The following GPD1L variants were observed in gnomAD, a reference collection of about 807,000 sequenced individuals.
GPD1L encodes glycerol-3-phosphate dehydrogenase 1 like.
GPD1L carries 17 observed loss-of-function variants against 32.9 expected under a neutral mutation model. The ratio of observed to expected loss-of-function variants is 0.52; its 90% CI spans 0.35 to 0.78. GPD1L has a LOEUF of 0.78. Ranked by LOEUF, GPD1L falls within the 30% of genes least tolerant of loss-of-function variation. The pLI, the probability that GPD1L is intolerant of heterozygous loss-of-function variation, is 0.01. For synonymous variants in GPD1L, 187 were observed against 165.9 expected (o/e 1.13, Z -0.98); for missense variants, 361 against 447.8 (o/e 0.81, Z 1.75).
At chr3:32,111,700 C>G (rs1279169255) in intron 1 of GPD1L, among the ~76,000 whole-genome samples, 4 of 152,108 alleles carry the variant, frequency 2.6e-5, no homozygotes, top group Non-Finnish European at 5.9e-5. Flanking sequence ...AGTTGCCTAT[C>G]TCTTGCCCTT....
At chr3:32,126,297 C>T (rs1055859598) in intron 1 of GPD1L, among the ~76,000 whole-genome samples, 1 of 152,154 alleles carries the variant, frequency 6.6e-6, no homozygotes, top group African/African-American at 2.4e-5. Context: ...TTGGCTTCCC[C>T]AAGAGGCAGC....
chr3:32,108,204 G>A (rs1271618187), intron 1 of GPD1L, among the ~76,000 whole-genome samples: 1 of 152,122 alleles, frequency 6.6e-6, no homozygotes, highest in Non-Finnish European at 1.5e-5. Flanking sequence ...TGGGCAACAC[G>A]GCAAAACCCC....
intron 2 of GPD1L, among the ~76,000 whole-genome samples, chr3:32,135,022 A>T (rs1700644374): frequency 6.6e-6 from 1 of 152,258 alleles, no homozygotes; most frequent in South Asian, 2.1e-4. Context: ...GATGAAGCTG[A>T]GTAGCTTGCC....
intron 1 of GPD1L, among the ~76,000 whole-genome samples, chr3:32,114,283 T>C (rs942573687): frequency 2.6e-5 from 4 of 152,208 alleles, no homozygotes; most frequent in Non-Finnish European, 5.9e-5. Flanking sequence ...CTTCTCCATA[T>C]GGTGGTTGGG....
At chr3:32,150,331 T>C (rs1385080730) in intron 5 of GPD1L, among the ~76,000 whole-genome samples, 1 of 152,192 alleles carries the variant, frequency 6.6e-6, no homozygotes, top group Non-Finnish European at 1.5e-5. Context: ...TAATCTATGT[T>C]ATCTTTTTTT....
intron 2 of GPD1L, among the ~76,000 whole-genome samples, chr3:32,132,521 T>G (rs190908570): frequency 1.3e-5 from 2 of 152,350 alleles, no homozygotes; most frequent in Admixed American, 6.5e-5. Flanking sequence ...AATTAAAATA[T>G]CAGTTCAGTG....
At chr3:32,135,668 GT>G (rs1300007941) in intron 2 of GPD1L, among the ~76,000 whole-genome samples, 12 of 152,116 alleles carry the variant, frequency 7.9e-5, no homozygotes, top group Admixed American at 7.9e-4. Flanking sequence ...GGCCAGGCTG[GT>G]TTCAAACTCT....
At position 32,166,018 on chromosome 3, in the gene GPD1L, C is replaced by T. The variant is rs1575125098; in HGVS notation, c.*108C>T. 1.2e-5 allele frequency: 9 copies of T among 738,698 alleles called. No homozygotes were observed. The highest frequency in any genetic ancestry group is 1.7e-5 in the African/African-American group (1 of 57,634). The allele number at this position is 738,698 out of a possible 1,614,324, so 45.8% of individuals were successfully genotyped here. ...ATGATGTTTGACTGTAATCTCATCA[C>T]GGATATGTATGAATTTTTACAGGTT... On this transcript the variant is annotated 3_prime_UTR_variant, in exon 8 of 8. Transcript: ENST00000282541.
At chr3:32,141,554 CT>C (rs34362553) in intron 4 of GPD1L, among the ~76,000 whole-genome samples, 4 of 151,982 alleles carry the variant, frequency 2.6e-5, no homozygotes, top group South Asian at 2.1e-4. Flanking sequence ...GGATACAAAA[CT>C]TTTTTTTGAA....
At chr3:32,153,554 C>A (rs775213461) in intron 5 of GPD1L, among the ~76,000 whole-genome samples, 45 of 152,338 alleles carry the variant, frequency 3.0e-4, no homozygotes, top group Non-Finnish European at 5.4e-4. Flanking sequence ...TCCTTGACAT[C>A]TCAGCCAGGC....
chr3:32,109,200 T>A (rs533922636), intron 1 of GPD1L, among the ~76,000 whole-genome samples: 1 of 152,352 alleles, frequency 6.6e-6, no homozygotes, highest in African/African-American at 2.4e-5. Context: ...TCAGCTCCCC[T>A]GTTGGCCATG....
chr3:32,165,280 A>G (rs1214344363), intron 7 of GPD1L, among the ~76,000 whole-genome samples: 108 of 151,894 alleles, frequency 7.1e-4, no homozygotes, highest in Admixed American at 6.9e-3. Context: ...CTGTATTCAC[A>G]TCTTGGAAGA....
intron 4 of GPD1L, among the ~76,000 whole-genome samples, chr3:32,143,702 G>A (rs1449215781): frequency 6.6e-6 from 1 of 152,142 alleles, no homozygotes; most frequent in Non-Finnish European, 1.5e-5. Context: ...AATTAGCCAG[G>A]TGTGGTGGCG....
intron 1 of GPD1L, among the ~76,000 whole-genome samples, chr3:32,108,364 A>G (rs1279953306): frequency 6.6e-6 from 1 of 152,092 alleles, no homozygotes; most frequent in African/African-American, 2.4e-5. Flanking sequence ...AAAATTAGCC[A>G]GGTGTGGTGG....
intron 1 of GPD1L, among the ~76,000 whole-genome samples, chr3:32,118,070 G>A (rs1700356823): frequency 6.6e-6 from 1 of 152,144 alleles, no homozygotes; most frequent in Admixed American, 6.5e-5. Flanking sequence ...ATGAGACTTA[G>A]GGGGCATCTG....
At chr3:32,156,102 A>G (rs1474184094) in intron 5 of GPD1L, among the ~76,000 whole-genome samples, 3 of 152,046 alleles carry the variant, frequency 2.0e-5, no homozygotes, top group South Asian at 2.1e-4. Context: ...CTGCAGAACT[A>G]GATCGCACCC....
chr3:32,119,498 C>G (rs1467253183), intron 1 of GPD1L, among the ~76,000 whole-genome samples: 2 of 152,040 alleles, frequency 1.3e-5, no homozygotes, highest in African/African-American at 4.8e-5. Context: ...GATCTTTTTT[C>G]CTTTGTGGTT....
chr3:32,141,563 G>T (rs1478786483), intron 4 of GPD1L, among the ~76,000 whole-genome samples: 1 of 151,290 alleles, frequency 6.6e-6, no homozygotes, highest in East Asian at 1.9e-4. Context: ...ACTTTTTTTT[G>T]AAAAATAATA....
rs193249675 is a variant in GPD1L, at chr3:32,120,056, G to A, written c.48-8020G>A. Among the ~76,000 whole-genome samples, 486 of 152,082 alleles carry A rather than the reference G, an allele frequency of 3.2e-3. 3 individuals are homozygous for A. Among genetic ancestry groups the A allele is most frequent in the African/African-American group, 0.011 (442 of 41,478 alleles). ...AGTGAGCCTGCCGGCCGGACACAGT[G>A]GCTCACAACTGTAATCCCAGCACTT... On this transcript the variant is annotated intron_variant, in intron 1 of 7. Coordinates refer to ENST00000282541, the MANE Select transcript of GPD1L (RefSeq NM_015141.4).
Sources: gnomAD v4.1 joint callset for allele counts (sites outside exome capture counted in the v4.1 genomes callset) on GRCh38, gnomAD v4.1.1 for gene constraint, MANE v1.5 for transcripts, NCBI Gene and HGNC (gene_info 2026-07-23, HGNC 2026-07-21) for gene names.